ATP10A: variants seen among roughly 807,000 people sequenced by gnomAD.
ATP10A encodes ATPase phospholipid transporting 10A (putative).
Under a neutral mutation model 147.8 loss-of-function variants are expected in ATP10A, and 111 were observed. The ratio of observed to expected loss-of-function variants is 0.75; its 90% CI spans 0.64 to 0.88. The LOEUF is 0.88. ATP10A is among the 40% of genes least tolerant of loss of function. The pLI is 0.00. For synonymous variants in ATP10A, 875 were observed against 841.6 expected, an observed-to-expected ratio of 1.04 and a Z score of -0.69; for missense variants, 1,927 against 1,959.0, an observed-to-expected ratio of 0.98 and a Z score of 0.31.
At chr15:25,753,011 A>G (rs968060743) in intron 2 of ATP10A, among the ~76,000 whole-genome samples, 3 of 152,200 alleles carry the variant, frequency 2.0e-5, no homozygotes, top group Non-Finnish European at 2.9e-5. Context: ...AAGTAATGGT[A>G]TAATTTGTGA....
chr15:25,728,832 C>T (rs985349416), intron 3 of ATP10A, among the ~76,000 whole-genome samples: 6 of 152,226 alleles, frequency 3.9e-5, no homozygotes, highest in Admixed American at 3.9e-4. Context: ...TCGACCTATA[C>T]AGGTCCATGC....
At chr15:25,715,443 A>T (rs554001051) in intron 9 of ATP10A, among the ~76,000 whole-genome samples, 1 of 152,354 alleles carries the variant, frequency 6.6e-6, no homozygotes, top group South Asian at 2.1e-4. Context: ...AAGCCGTGTA[A>T]CCTTCAGCAC....
chr15:25,796,396 C>G (rs1320562056), intron 1 of ATP10A, among the ~76,000 whole-genome samples: 2 of 34,430 alleles, frequency 5.8e-5, no homozygotes, highest in African/African-American at 1.7e-4. Flanking sequence ...AAGAGCGAGA[C>G]CCTGTCTCAA....
intron 14 of ATP10A, among the ~76,000 whole-genome samples, chr15:25,693,394 T>C (rs1596694818): frequency 1.3e-5 from 2 of 152,340 alleles, no homozygotes; most frequent in South Asian, 4.1e-4. Context: ...TCCTTTTCTT[T>C]TTAATCTGCC....
At chr15:25,694,568 C>T (rs1379456212) in intron 14 of ATP10A, among the ~76,000 whole-genome samples, 1 of 152,262 alleles carries the variant, frequency 6.6e-6, no homozygotes, top group Non-Finnish European at 1.5e-5. Context: ...TAAGCTCCAT[C>T]TTGTTGCCGT....
intron 4 of ATP10A, 114 bp from the exon 5 acceptor site, chr15:25,726,196 GCTTGGTC>G: frequency 8.0e-7 from 1 of 1,256,832 alleles, no homozygotes; most frequent in Non-Finnish European, 1.1e-6. Context: ...TAGGTGAGAA[GCTTGGTC>G]AAAAAAGCAG....
intron 1 of ATP10A, among the ~76,000 whole-genome samples, chr15:25,815,473 G>A (rs1361801440): frequency 1.7e-4 from 2 of 11,520 alleles, no homozygotes; most frequent in Non-Finnish European, 4.8e-4. Flanking sequence ...TACAGTGCAT[G>A]GGCAGTCTAT....
At chr15:25,743,346 C>T (rs1220342141) in intron 2 of ATP10A, among the ~76,000 whole-genome samples, 1 of 152,230 alleles carries the variant, frequency 6.6e-6, no homozygotes, top group East Asian at 1.9e-4. Flanking sequence ...AGTTATCCAG[C>T]ACCAGACGAC....
At chr15:25,707,764 G>C (rs553231331) in intron 12 of ATP10A, among the ~76,000 whole-genome samples, 1 of 152,296 alleles carries the variant, frequency 6.6e-6, no homozygotes, top group South Asian at 2.1e-4. Context: ...GTCTTGGGGT[G>C]CCTGGGGGGC....
In ATP10A at chr15:25,862,934, A is replaced by G. The variant is rs1567440917; in HGVS notation, c.163T>C (p.Cys55Arg). 2 of 1,577,846 alleles carry G rather than the reference A, an allele frequency of 1.3e-6. No homozygotes were observed. The highest frequency in any genetic ancestry group is 1.7e-6 in the Non-Finnish European group (2 of 1,166,078). ...AKGERRRRRG[C>R]AQHLADNRLK... ...CGGTTGTCGGCCAGGTGCTGGGCAC[A>G]CCCGCGCCGCCGTCGCCGCTCGCCC... The change falls in exon 1 of 21, where the codon TGT (cysteine) becomes CGT (arginine). Residue 55 changes from cysteine (C) to arginine (R), a missense_variant. Cys to Arg is a radical substitution (Grantham distance 180, BLOSUM62 -3). Transcript: ENST00000555815.
At chr15:25,784,510 C>T (rs777404558) in intron 1 of ATP10A, among the ~76,000 whole-genome samples, 24 of 152,212 alleles carry the variant, frequency 1.6e-4, no homozygotes, top group Non-Finnish European at 3.2e-4. Context: ...AGATTCCCCC[C>T]TGAGGACCCT....
intron 1 of ATP10A, among the ~76,000 whole-genome samples, chr15:25,824,050 G>A (rs1892003735): frequency 6.6e-6 from 1 of 152,030 alleles, no homozygotes; most frequent in East Asian, 1.9e-4. Context: ...GGGGGCTGTA[G>A]TTTACCAACC....
At chr15:25,835,361 C>T in intron 1 of ATP10A, among the ~76,000 whole-genome samples, 1 of 152,144 alleles carries the variant, frequency 6.6e-6, no homozygotes, top group East Asian at 1.9e-4. Flanking sequence ...TATTAAAAAG[C>T]TACTGAATTG....
rs1367177898 is a variant in ATP10A at position 25,686,658 on chromosome 15, T to C, written c.3291+1045A>G. ...TCTGGTGTTTAGCCAGGTAGATTTA[T>C]GGGACTACCTTGGAAGATCACTTAC... is the stretch of plus-strand genomic sequence containing the variant. On this transcript the variant is annotated intron_variant, in intron 16 of 20. Transcript: ENST00000555815. Among the ~76,000 whole-genome samples the C allele has an allele frequency of 2.8e-5, 3 of 107,866 alleles. 1 individual carries two copies. Among genetic ancestry groups the C allele is most frequent in the Admixed American group, 1.8e-4 (2 of 11,198 alleles). 70.8% of individuals were successfully genotyped at this position (107,866 alleles called of 152,430 possible). A position where few individuals can be genotyped will look rare whatever the true frequency, so the allele number is the denominator to read the frequency against.
rs537456093 is a variant in ATP10A at position 25,697,088 on chromosome 15, T to A, written c.2761-1942A>T. Among the ~76,000 whole-genome samples, 4 of 152,276 alleles carry A rather than the reference T, an allele frequency of 2.6e-5. No homozygotes were observed. In the East Asian group the frequency reaches 7.7e-4, roughly 29 times the overall value. On this transcript the variant is annotated intron_variant, in intron 13 of 20. Coordinates refer to ENST00000555815, the MANE Select transcript of ATP10A (RefSeq NM_024490.4). ...GGGGAACCAGAGGCGCTGGAAAAAT[T>A]GTAAAGAGAAGCTTGGCTAACTGAC...
At chr15:25,709,163 T>TA (rs1901235419) in intron 10 of ATP10A, 1 of 152,176 alleles carries the variant, frequency 6.6e-6, no homozygotes, top group South Asian at 2.1e-4. Flanking sequence ...CATAAACAGA[T>TA]ACACAGCATA....
At chr15:25,767,790 T>G (rs999793975) in intron 2 of ATP10A, among the ~76,000 whole-genome samples, 1 of 152,240 alleles carries the variant, frequency 6.6e-6, no homozygotes, top group African/African-American at 2.4e-5. Context: ...CTGCAGCCAC[T>G]GCAGTGAGCA....
chr15:25,844,815 A>C (rs929905460), intron 1 of ATP10A, among the ~76,000 whole-genome samples: 11 of 152,166 alleles, frequency 7.2e-5, no homozygotes, highest in Non-Finnish European at 1.6e-4. Flanking sequence ...CTGTCTGCAA[A>C]ATGAGACAAG....
intron 1 of ATP10A, among the ~76,000 whole-genome samples, chr15:25,821,922 A>G (rs1326455675): frequency 6.6e-6 from 1 of 152,190 alleles, no homozygotes; most frequent in East Asian, 1.9e-4. Context: ...TTTTAGAATT[A>G]TGAAAATTCA....
Sources: gnomAD v4.1 joint callset for allele counts (sites outside exome capture counted in the v4.1 genomes callset) on GRCh38, gnomAD v4.1.1 for gene constraint, MANE v1.5 for transcripts, NCBI Gene and HGNC (gene_info 2026-07-23, HGNC 2026-07-21) for gene names.